Variants in POLD3 observed in about 807,000 individuals in gnomAD.
POLD3 encodes the protein DNA polymerase delta subunit 3.
POLD3 carries 19 observed loss-of-function variants against 58.2 expected under a neutral mutation model. The ratio of observed to expected loss-of-function variants is 0.33; its 90% CI spans 0.23 to 0.48. The LOEUF (loss-of-function observed/expected upper bound fraction) is 0.48, where lower values mean the gene tolerates loss of function less well. Among genes scored for constraint, POLD3 ranks in the 20% least tolerant of loss-of-function variants. The pLI is 0.99. For synonymous variants in POLD3, 172 were observed against 193.5 expected (o/e 0.89, Z 0.92); for missense variants, 504 against 545.5 (o/e 0.92, Z 0.76).
intron 8 of POLD3, among the ~76,000 whole-genome samples, chr11:74,626,968 A>G (rs2032450049): frequency 1.3e-5 from 2 of 152,144 alleles, no homozygotes; most frequent in Non-Finnish European, 2.9e-5. Context: ...ATTAATAGTT[A>G]TATATACATA....
chr11:74,658,302 A>G (rs10793098), intron 4 of POLD3, among the ~76,000 whole-genome samples: 82,853 of 151,984 alleles, frequency 0.55, 23,109 homozygotes, highest in Non-Finnish European at 0.61. Context: ...CCATGATTCA[A>G]TTACCTCCCC....
At chr11:74,612,599 G>C (rs1317461765) in intron 4 of POLD3, among the ~76,000 whole-genome samples, 1 of 152,132 alleles carries the variant, frequency 6.6e-6, no homozygotes, top group Non-Finnish European at 1.5e-5. Context: ...GATCATCGTA[G>C]TCATCATCAA....
At chr11:74,638,167 G>A (rs1378383382) in intron 11 of POLD3, among the ~76,000 whole-genome samples, 2 of 152,182 alleles carry the variant, frequency 1.3e-5, no homozygotes, top group African/African-American at 2.4e-5. Flanking sequence ...ACCCAGAAAA[G>A]TGGCATGTTG....
chr11:74,626,640 A>G (rs2117222), intron 8 of POLD3, among the ~76,000 whole-genome samples: 63,413 of 152,014 alleles, frequency 0.42, 14,308 homozygotes, highest in Non-Finnish European at 0.51. Flanking sequence ...TATTACACTA[A>G]GCATTTGTTG....
intron 3 of POLD3, among the ~76,000 whole-genome samples, chr11:74,610,368 G>A (rs553402778): frequency 6.6e-6 from 1 of 152,128 alleles, no homozygotes; most frequent in Admixed American, 6.5e-5. Flanking sequence ...GCACCACCAT[G>A]CCCAGCTAAT....
chr11:74,632,707 T>C (rs188598082), intron 9 of POLD3, among the ~76,000 whole-genome samples: 3 of 152,250 alleles, frequency 2.0e-5, no homozygotes, highest in Admixed American at 2.0e-4. Flanking sequence ...ACTCTACTAT[T>C]CTCTTCCCTG....
At position 74,642,924 on chromosome 11, in the gene POLD3, C is replaced by G. The variant is rs1358485818; in HGVS notation, c.*2158C>G. 1.0e-6 allele frequency: 1 copy of G among 985,152 alleles called. No individual in the cohort carries two copies. The highest frequency in any genetic ancestry group is 1.2e-6 in the Non-Finnish European group (1 of 829,846). 61.0% of individuals were successfully genotyped at this position (985,152 alleles called of 1,614,324 possible). ...CTGGGGAAATGTTAGTTTCAGCCAA[C>G]CTCATTTTTTAGTTCATCTAGAAGA... On this transcript the variant is annotated 3_prime_UTR_variant, in exon 12 of 12. Transcript: ENST00000263681.
chr11:74,625,480 C>G lies in POLD3; in HGVS notation c.806C>G (p.Ser269Cys), dbSNP rs1450841293. ...AAAATAGTGGAGCAGCCTACAGTGTCTGTCACGGAACCAAAGCTGGCAACT... is the reference window on the plus strand; with the variant it reads ...AAAATAGTGGAGCAGCCTACAGTGTGTGTCACGGAACCAAAGCTGGCAACT... ...EEKIVEQPTVSVTEPKLATPA... is the reference protein window; with the variant it reads ...EEKIVEQPTVCVTEPKLATPA... The change falls in exon 8 of 12, where the codon TCT becomes TGT. Residue 269 changes from serine (S) to cysteine (C), a missense_variant. This residue lies in a region of POLD3 where 385 missense variants were observed against 370.5 expected (regional missense o/e 1.04). Coordinates refer to ENST00000263681, the MANE Select transcript of POLD3 (RefSeq NM_006591.3). 6.2e-7 allele frequency: 1 copy of G among 1,613,556 alleles called. No homozygotes were observed. The highest frequency in any genetic ancestry group is 1.3e-5 in the African/African-American group (1 of 74,886).
chr11:74,656,339 G>T (rs7128944), intron 4 of POLD3, among the ~76,000 whole-genome samples: 2 of 151,586 alleles, frequency 1.3e-5, no homozygotes, highest in Non-Finnish European at 2.9e-5. Context: ...CTGTAATCCC[G>T]CCACTTTGGG....
rs1271764356 is a variant in POLD3 at position 74,640,684 on chromosome 11, G to A, written c.1319G>A (p.Arg440Gln). Residue 440 changes from arginine (R) to glutamine (Q), a missense_variant, in exon 12 of 12, where the codon CGA becomes CAA. Physicochemically the swap from Arg to Gln is conservative, Grantham distance 43. This residue lies in a region of POLD3 where 385 missense variants were observed against 370.5 expected (regional missense o/e 1.04). Coordinates refer to ENST00000263681, the MANE Select transcript of POLD3 (RefSeq NM_006591.3). ...GTGAAAAAAGAACCCAGAGAGGAACGAAAGGGCCCCAAGAAAGGGACTGCT... is the reference window on the plus strand; with the variant it reads ...GTGAAAAAAGAACCCAGAGAGGAACAAAAGGGCCCCAAGAAAGGGACTGCT... ...MTVKKEPREE[R>Q]KGPKKGTAAL... 17 of 1,612,892 alleles carry A rather than the reference G, an allele frequency of 1.1e-5. No individual in the cohort carries two copies. Among genetic ancestry groups the A allele is most frequent in the African/African-American group, 2.7e-5 (2 of 74,862 alleles).
At chr11:74,628,456 T>C (rs1460025166) in intron 8 of POLD3, among the ~76,000 whole-genome samples, 1 of 152,174 alleles carries the variant, frequency 6.6e-6, no homozygotes, top group Non-Finnish European at 1.5e-5. Context: ...ATAAGGTACT[T>C]GATGGCAAAG....
At chr11:74,600,631 C>T (rs114135280) in intron 2 of POLD3, among the ~76,000 whole-genome samples, 4,873 of 150,646 alleles carry the variant, frequency 0.032, 271 homozygotes, top group African/African-American at 0.11. Context: ...GATACTCTAT[C>T]TCCAAAAAAA....
rs754783553 is a variant in POLD3 at position 74,618,731 on chromosome 11, T to G, written c.587T>G (p.Phe196Cys). 2 of 1,614,194 alleles carry G rather than the reference T, an allele frequency of 1.2e-6. No individual in the cohort carries two copies. The highest frequency in any genetic ancestry group is 2.2e-5 in the South Asian group (2 of 91,086). The change falls in exon 6 of 12, where the codon TTT becomes TGT. Residue 196 changes from phenylalanine (F) to cysteine (C), a missense_variant. This residue lies in a region of POLD3 where 385 missense variants were observed against 370.5 expected (regional missense o/e 1.04). Coordinates refer to ENST00000263681, the MANE Select transcript of POLD3 (RefSeq NM_006591.3). The stretch of plus-strand genomic sequence containing the variant: ...CAGCCCAAAGGAATTATGGGAATGT[T>G]TGCCTCCAAAGCTGCTGCTAAAACC... ...SQQPKGIMGMFASKAAAKTQE... is the reference protein window; with the variant it reads ...SQQPKGIMGMCASKAAAKTQE...
At chr11:74,661,306 A>G (rs1394685905) in intron 4 of POLD3, among the ~76,000 whole-genome samples, 3 of 152,152 alleles carry the variant, frequency 2.0e-5, no homozygotes, top group Non-Finnish European at 4.4e-5. Context: ...CATTGTAGTC[A>G]TCACAGTCTG....
At chr11:74,625,871 T>TTTTGTGTGTGTGTGTG (rs142784051) in intron 8 of POLD3, among the ~76,000 whole-genome samples, 165 of 143,672 alleles carry the variant, frequency 1.1e-3, no homozygotes, top group Middle Eastern at 7.0e-3. Context: ...GTGTGCCTAG[T>TTTTGTGTGTGTGTGTG]TGTGTGTGTG....
At chr11:74,598,136 A>G (rs532498807) in intron 2 of POLD3, among the ~76,000 whole-genome samples, 1 of 152,312 alleles carries the variant, frequency 6.6e-6, no homozygotes, top group Non-Finnish European at 1.5e-5. Flanking sequence ...TTTAGTTCCT[A>G]CAGTAAGACT....
intron 3 of POLD3, among the ~76,000 whole-genome samples, chr11:74,606,125 G>T (rs1458690593): frequency 6.6e-6 from 1 of 152,136 alleles, no homozygotes; most frequent in Non-Finnish European, 1.5e-5. Flanking sequence ...AACTGCTAGA[G>T]GGATCCTATC....
chr11:74,622,479 AAT>A (rs1187761386), intron 7 of POLD3, among the ~76,000 whole-genome samples: 1 of 152,334 alleles, frequency 6.6e-6, no homozygotes, highest in African/African-American at 2.4e-5. Context: ...ACCTGGATAA[AAT>A]AAAATACTAT....
chr11:74,618,023 A>G (rs2032133444), intron 5 of POLD3, among the ~76,000 whole-genome samples: 1 of 152,218 alleles, frequency 6.6e-6, no homozygotes, highest in African/African-American at 2.4e-5. Context: ...CCAACCCTAC[A>G]GCATGATTTA....
Sources: gnomAD v4.1 joint callset for allele counts (sites outside exome capture counted in the v4.1 genomes callset) on GRCh38, gnomAD v4.1.1 for gene constraint, gnomAD v4.1.1 regional missense constraint, MANE v1.5 for transcripts, NCBI Gene and HGNC (gene_info 2026-07-23, HGNC 2026-07-21) for gene names.